Variants in LIN28A observed in about 807,000 individuals in gnomAD.
LIN28A encodes protein lin-28 homolog A.
Under a neutral mutation model 21.1 loss-of-function variants are expected in LIN28A, and 11 were observed. The ratio of observed to expected loss-of-function variants is 0.52; its 90% CI spans 0.33 to 0.86. The LOEUF is 0.86. Ranked by LOEUF, LIN28A falls within the 40% of genes least tolerant of loss-of-function variation. The pLI is 0.03. For synonymous variants in LIN28A, 111 were observed against 108.7 expected, an observed-to-expected ratio of 1.02 and a Z score of -0.13; for missense variants, 219 against 279.8, an observed-to-expected ratio of 0.78 and a Z score of 1.55.
At chr1:26,420,995 C>T (rs969156544) in intron 2 of LIN28A, among the ~76,000 whole-genome samples, 2 of 151,940 alleles carry the variant, frequency 1.3e-5, no homozygotes, top group African/African-American at 2.4e-5. Context: ...CCTGGCTTTG[C>T]TACAGAACTA....
intron 2 of LIN28A, among the ~76,000 whole-genome samples, chr1:26,413,825 C>CCTT (rs2074976843): frequency 6.0e-5 from 6 of 100,414 alleles, no homozygotes; most frequent in Non-Finnish European, 1.2e-4. Context: ...TTGTTTGTTG[C>CCTT]TTTTTTTTTT....
chr1:26,424,607 G>A (rs1231787965), intron 2 of LIN28A, among the ~76,000 whole-genome samples: 1 of 152,130 alleles, frequency 6.6e-6, no homozygotes, highest in Non-Finnish European at 1.5e-5. Context: ...GTCTTGCTGT[G>A]TTGCCCAGGC....
rs2075074964 is a variant in LIN28A, at chr1:26,428,653, G to A, written c.*2195G>A. On this transcript the variant is annotated 3_prime_UTR_variant, in exon 4 of 4. Coordinates refer to ENST00000326279, the MANE Select transcript of LIN28A (RefSeq NM_024674.6). ...CCTCTTGGGTTCAAGTGATTCTCCT[G>A]CCTCAGCCTCCTGAGTAGCTGGGAT... is the stretch of plus-strand genomic sequence containing the variant. 6.6e-6 allele frequency: 1 copy of A among 151,292 alleles called. No individual in the cohort carries two copies. Among genetic ancestry groups the A allele is most frequent in the African/African-American group, 2.4e-5 (1 of 41,100 alleles). The allele number at this position is 151,292 out of a possible 1,614,324, so 9.4% of individuals were successfully genotyped here. A position where few individuals can be genotyped will look rare whatever the true frequency, so the allele number is the denominator to read the frequency against.
intron 2 of LIN28A, among the ~76,000 whole-genome samples, chr1:26,415,563 T>C (rs2074988098): frequency 6.6e-6 from 1 of 152,174 alleles, no homozygotes; most frequent in South Asian, 2.1e-4. Flanking sequence ...AGGGGCATCT[T>C]GAGGACCTTG....
chr1:26,425,112 A>G (rs1019072108), intron 2 of LIN28A, among the ~76,000 whole-genome samples, 191 bp from the exon 3 acceptor site: 1 of 152,144 alleles, frequency 6.6e-6, no homozygotes, highest in Admixed American at 6.5e-5. Flanking sequence ...TGCTTATATA[A>G]TTACGATTTT....
chr1:26,411,246 T>C lies in LIN28A; in HGVS notation c.32-140T>C. ...GCGGGAGGCGACCGGGATAGGTTTC[T>C]TCTCTTCTGTTGCTTGGTAGCTGCC... is the stretch of plus-strand genomic sequence containing the variant. On this transcript the variant is annotated intron_variant, in intron 1 of 3. Coordinates refer to ENST00000326279, the MANE Select transcript of LIN28A (RefSeq NM_024674.6). This position sits in a 1 kb window ranked among gnomAD's most constrained non-coding sequence, Gnocchi z 5.4. 2 of 857,702 alleles carry C rather than the reference T, an allele frequency of 2.3e-6. No homozygotes were observed. The highest frequency in any genetic ancestry group is 3.5e-6 in the Non-Finnish European group (2 of 574,740). 53.1% of individuals were successfully genotyped at this position (857,702 alleles called of 1,614,324 possible).
chr1:26,415,271 T>C (rs2074986305), intron 2 of LIN28A, among the ~76,000 whole-genome samples: 1 of 152,168 alleles, frequency 6.6e-6, no homozygotes, highest in African/African-American at 2.4e-5. Context: ...CTTCTTTTTC[T>C]AAAAGCCATG....
At position 26,428,377 on chromosome 1, in the gene LIN28A, T is replaced by C. The variant is rs918781345; in HGVS notation, c.*1919T>C. The C allele has an allele frequency of 7.0e-5, 10 of 143,296 alleles. No individual in the cohort carries two copies. Among genetic ancestry groups the C allele is most frequent in the African/African-American group, 2.0e-4 (8 of 40,604 alleles). 8.9% of individuals were successfully genotyped at this position (143,296 alleles called of 1,614,324 possible). ...ACTTGTCTTCTACCCTGCCCTCTTT[T>C]CTGTTCACCCCCAAAAGAAAACTTA... On this transcript the variant is annotated 3_prime_UTR_variant, in exon 4 of 4. Transcript: ENST00000326279.
At chr1:26,414,773 C>T (rs1360723420) in intron 2 of LIN28A, among the ~76,000 whole-genome samples, 1 of 152,154 alleles carries the variant, frequency 6.6e-6, no homozygotes, top group East Asian at 1.9e-4. Flanking sequence ...CAGCAGTATT[C>T]CTGGTCTCTA....
At position 26,410,866 on chromosome 1, in the gene LIN28A, C is replaced by G. The variant is rs763514579; in HGVS notation, c.-26C>G. 9 of 1,612,020 alleles carry G rather than the reference C, an allele frequency of 5.6e-6. No homozygotes were observed. Among genetic ancestry groups the G allele is most frequent in the African/African-American group, 4.0e-5 (3 of 74,788 alleles). On this transcript the variant is annotated 5_prime_UTR_variant, in exon 1 of 4. Coordinates refer to ENST00000326279, the MANE Select transcript of LIN28A (RefSeq NM_024674.6). ...GCCAGCAGCCGCCCGACCAGGGGCC[C>G]GGGGCCACGGGCTCAGCCGACGACC...
At chr1:26,423,658 C>T (rs1359482585) in intron 2 of LIN28A, among the ~76,000 whole-genome samples, 2 of 151,044 alleles carry the variant, frequency 1.3e-5, no homozygotes, top group East Asian at 2.0e-4. Flanking sequence ...GTGATATGCC[C>T]GCCTCGGCTT....
intron 2 of LIN28A, among the ~76,000 whole-genome samples, chr1:26,423,400 T>G (rs563223530): frequency 1.5e-5 from 2 of 131,912 alleles, no homozygotes; most frequent in African/African-American, 5.8e-5. Flanking sequence ...ATGATTTCCT[T>G]TTTTTTCTTT....
intron 3 of LIN28A, 136 bp downstream of exon 3, chr1:26,425,623 G>A: frequency 1.3e-6 from 1 of 785,362 alleles, no homozygotes; most frequent in South Asian, 1.8e-5. Flanking sequence ...CTGAGCGCCT[G>A]CAATAGGTGT....
intron 2 of LIN28A, among the ~76,000 whole-genome samples, chr1:26,421,434 G>A (rs1311867655): frequency 2.6e-5 from 4 of 152,060 alleles, no homozygotes; most frequent in East Asian, 1.9e-4. Flanking sequence ...TATATGTGTC[G>A]TGCTAAGACT....
At chr1:26,415,789 G>A (rs184373717) in intron 2 of LIN28A, among the ~76,000 whole-genome samples, 8 of 152,252 alleles carry the variant, frequency 5.3e-5, no homozygotes, top group Admixed American at 2.0e-4. Flanking sequence ...GGTTCCTCTC[G>A]TTTTTGTTGA....
At chr1:26,423,914 C>T (rs2075043163) in intron 2 of LIN28A, among the ~76,000 whole-genome samples, 1 of 151,978 alleles carries the variant, frequency 6.6e-6, no homozygotes, top group Admixed American at 6.5e-5. Flanking sequence ...AGGCACCCGC[C>T]ACCACGCCTG....
intron 2 of LIN28A, among the ~76,000 whole-genome samples, chr1:26,414,187 C>T (rs1048988674): frequency 6.6e-6 from 1 of 152,094 alleles, no homozygotes; most frequent in Non-Finnish European, 1.5e-5. Flanking sequence ...TTAGTAAACA[C>T]AGGATAAATT....
chr1:26,420,479 T>C (rs1243897994), intron 2 of LIN28A, among the ~76,000 whole-genome samples: 1 of 151,596 alleles, frequency 6.6e-6, no homozygotes, highest in Non-Finnish European at 1.5e-5. Flanking sequence ...CTGGGTGTGG[T>C]GGCGTGCGCC....
intron 2 of LIN28A, among the ~76,000 whole-genome samples, chr1:26,421,961 T>C (rs761735465): frequency 1.2e-4 from 19 of 152,100 alleles, no homozygotes; most frequent in Non-Finnish European, 2.4e-4. Flanking sequence ...GTAAGCACTT[T>C]TATCTCTAAA....
Sources: allele counts gnomAD v4.1 joint callset (sites outside exome capture counted in the v4.1 genomes callset), GRCh38; gene constraint gnomAD v4.1.1; non-coding constraint Gnocchi (gnomAD v3.1); transcripts MANE v1.5; gene names NCBI Gene and HGNC (gene_info 2026-07-23, HGNC 2026-07-21).